The following DLGAP1 variants were observed in gnomAD, a reference collection of about 807,000 sequenced individuals.
DLGAP1 encodes the protein disks large-associated protein 1.
A neutral mutation model predicts 90.8 loss-of-function variants in DLGAP1; 11 were observed. The observed-to-expected ratio is 0.12, with a 90% confidence interval of 0.08 to 0.20. The LOEUF (loss-of-function observed/expected upper bound fraction) is 0.20, where lower values mean the gene tolerates loss of function less well. Among genes scored for constraint, DLGAP1 ranks in the 10% least tolerant of loss-of-function variants. The pLI is 1.00. For missense variants in DLGAP1, 1,050 were observed against 1,333.8 expected (o/e 0.79, Z 3.31); for synonymous variants, 558 against 540.7 (o/e 1.03, Z -0.44).
At chr18:4,380,503 C>G (rs1285916600) in intron 1 of DLGAP1, among the ~76,000 whole-genome samples, 2 of 152,112 alleles carry the variant, frequency 1.3e-5, no homozygotes, top group Admixed American at 6.6e-5. Flanking sequence ...CTCCCTTTCC[C>G]CCTTTACTAT....
chr18:4,323,321 C>G (rs1258828602), intron 1 of DLGAP1, among the ~76,000 whole-genome samples: 3 of 152,094 alleles, frequency 2.0e-5, no homozygotes, highest in Non-Finnish European at 4.4e-5. Flanking sequence ...AAAGGAAACC[C>G]TTGTACACCA....
At chr18:4,032,790 A>G (rs536578334) in intron 2 of DLGAP1, among the ~76,000 whole-genome samples, 13 of 152,244 alleles carry the variant, frequency 8.5e-5, no homozygotes, top group Admixed American at 2.0e-4. Flanking sequence ...GAGTGTTTAA[A>G]TTATCTTAAG....
At chr18:4,433,342 T>G (rs1020441483) in intron 1 of DLGAP1, among the ~76,000 whole-genome samples, 9 of 152,228 alleles carry the variant, frequency 5.9e-5, no homozygotes, top group Admixed American at 5.2e-4. Flanking sequence ...AATTTAAGTT[T>G]ACTGTTGAGG....
chr18:3,550,191 C>T (rs1011048437), intron 9 of DLGAP1, among the ~76,000 whole-genome samples: 15 of 151,864 alleles, frequency 9.9e-5, no homozygotes, highest in African/African-American at 2.9e-4. Context: ...GAGTTACAGG[C>T]GTGAGCCACC....
chr18:4,406,674 T>C (rs575520337), intron 1 of DLGAP1, among the ~76,000 whole-genome samples: 54 of 152,234 alleles, frequency 3.5e-4, no homozygotes, highest in Non-Finnish European at 6.8e-4. Context: ...TACACTAGAA[T>C]TCGAGTAGGA....
At chr18:4,026,107 A>G (rs2074694953) in intron 2 of DLGAP1, among the ~76,000 whole-genome samples, 1 of 152,236 alleles carries the variant, frequency 6.6e-6, no homozygotes, top group Non-Finnish European at 1.5e-5. Flanking sequence ...TTTCATTTAT[A>G]AAAGGTGACC....
intron 3 of DLGAP1, among the ~76,000 whole-genome samples, chr18:3,921,533 TAA>T (rs558470280): frequency 1.3e-5 from 2 of 151,928 alleles, no homozygotes; most frequent in Non-Finnish European, 2.9e-5. Flanking sequence ...GAGTTTCTAG[TAA>T]AAAAAATAAA....
rs567702720 is a variant in DLGAP1 at position 3,740,411 on chromosome 18, G to A, written c.1350+1924C>T. Among the ~76,000 whole-genome samples the A allele has an allele frequency of 8.3e-4, 126 of 152,240 alleles. 1 individual carries two copies. The highest frequency in any genetic ancestry group is 2.9e-3 in the African/African-American group (119 of 41,532). ...ACGAATAGGTTTGCATGTTCTTGGA[G>A]ATTTCTGTAAAGCAAGGAAACACAC... is the stretch of plus-strand genomic sequence containing the variant. On this transcript the variant is annotated intron_variant, in intron 6 of 12. Transcript: ENST00000315677.
chr18:3,849,935 T>C (rs567003459), intron 4 of DLGAP1, among the ~76,000 whole-genome samples: 8 of 152,234 alleles, frequency 5.3e-5, no homozygotes, highest in Non-Finnish European at 1.0e-4. Context: ...GTGTTTTATA[T>C]AGAGTGTTAG....
chr18:4,095,113 G>T (rs1033116082), intron 2 of DLGAP1, among the ~76,000 whole-genome samples: 1 of 152,118 alleles, frequency 6.6e-6, no homozygotes, highest in Non-Finnish European at 1.5e-5. Flanking sequence ...ATCTTCCTGA[G>T]AGCATTTGAA....
At chr18:3,518,385 T>C (rs1373958489) in intron 10 of DLGAP1, among the ~76,000 whole-genome samples, 2 of 152,054 alleles carry the variant, frequency 1.3e-5, no homozygotes, top group African/African-American at 4.8e-5. Context: ...CCATAGCAGA[T>C]AGAATAATAA....
rs904609081 is a variant in DLGAP1, at chr18:3,880,096, A to G, written c.-28T>C. ...CGGACCGGAAGCAGCCGCCAGGGTC[A>G]TGGACACCCGGAAGTCAGGCTCCAG... On this transcript the variant is annotated 5_prime_UTR_variant, in exon 4 of 13. An upstream start codon of the reference 5' UTR is lost. Transcript: ENST00000315677. 1 of 1,592,022 alleles carries G rather than the reference A, an allele frequency of 6.3e-7. No homozygotes were observed.
intron 5 of DLGAP1, among the ~76,000 whole-genome samples, chr18:3,749,026 A>G (rs1016035070): frequency 6.6e-6 from 1 of 152,132 alleles, no homozygotes; most frequent in Non-Finnish European, 1.5e-5. Context: ...TGACTTTGAG[A>G]GATCACATAG....
In DLGAP1 at chr18:3,730,048, A is replaced by G. The variant is rs1447303868; in HGVS notation, c.1351-673T>C. Among the ~76,000 whole-genome samples, 5 of 152,330 alleles carry G rather than the reference A, an allele frequency of 3.3e-5. No individual in the cohort carries two copies. In the East Asian group the frequency reaches 7.7e-4, roughly 23 times the overall value. On this transcript the variant is annotated intron_variant, in intron 6 of 12. Transcript: ENST00000315677. ...CAGATATGTCAAAATCTTGAAAAGC[A>G]CCATCAAGATTTTCAAACTATTTAC...
At chr18:4,340,084 A>G (rs1166710736) in intron 1 of DLGAP1, among the ~76,000 whole-genome samples, 2 of 152,192 alleles carry the variant, frequency 1.3e-5, no homozygotes, top group Non-Finnish European at 2.9e-5. Flanking sequence ...TGTTTTTCCT[A>G]TGCATACATA....
intron 1 of DLGAP1, among the ~76,000 whole-genome samples, chr18:4,346,657 G>A (rs1369297491): frequency 1.3e-5 from 2 of 152,120 alleles, no homozygotes; most frequent in African/African-American, 2.4e-5. Context: ...TGATCTTCTG[G>A]CCTTTTTCAC....
chr18:4,404,629 G>A (rs761732918), intron 1 of DLGAP1, among the ~76,000 whole-genome samples: 102 of 152,284 alleles, frequency 6.7e-4, no homozygotes, highest in Non-Finnish European at 1.2e-3. Context: ...TTTGAATGGA[G>A]TCTGTATTTT....
intron 6 of DLGAP1, among the ~76,000 whole-genome samples, chr18:3,740,297 A>C (rs1338410605): frequency 6.6e-6 from 1 of 152,222 alleles, no homozygotes; most frequent in African/African-American, 2.4e-5. Context: ...AGATAAAAAC[A>C]AAACAAGTCC....
At chr18:3,677,575 A>C (rs1356400816) in intron 7 of DLGAP1, among the ~76,000 whole-genome samples, 1 of 152,246 alleles carries the variant, frequency 6.6e-6, no homozygotes, top group African/African-American at 2.4e-5. Context: ...AAATAGACAG[A>C]GATCCATGTT....
Sources: allele counts gnomAD v4.1 joint callset (sites outside exome capture counted in the v4.1 genomes callset), GRCh38; gene constraint gnomAD v4.1.1; transcripts MANE v1.5; gene names NCBI Gene and HGNC (gene_info 2026-07-23, HGNC 2026-07-21).